RYR3: variants seen among roughly 807,000 people sequenced by gnomAD.
RYR3 encodes the protein brain ryanodine receptor-calcium release channel.
Under a neutral mutation model 584.3 loss-of-function variants are expected in RYR3, and 207 were observed. The ratio of observed to expected loss-of-function variants is 0.35; its 90% CI spans 0.32 to 0.40. The LOEUF is 0.40. Ranked by LOEUF, RYR3 falls within the 10% of genes least tolerant of loss-of-function variation. The probability of loss-of-function intolerance (pLI) is 1.00; values close to 1 mark genes in which losing one functional copy is unlikely to be tolerated. For synonymous variants in RYR3, 2,416 were observed against 2,248.5 expected (o/e 1.07, Z -2.11); for missense variants, 5,616 against 6,089.2 (o/e 0.92, Z 2.59).
intron 102 of RYR3, among the ~76,000 whole-genome samples, chr15:33,863,330 G>A (rs537810692): frequency 6.6e-6 from 1 of 152,156 alleles, no homozygotes; most frequent in Non-Finnish European, 1.5e-5. Context: ...GAAAGGCAGT[G>A]AACATACTTA....
chr15:33,548,458 A>G (rs1172638658), intron 9 of RYR3, among the ~76,000 whole-genome samples: 1 of 152,240 alleles, frequency 6.6e-6, no homozygotes, highest in Non-Finnish European at 1.5e-5. Flanking sequence ...AGGAAAGCTC[A>G]GACAAGGCCA....
chr15:33,550,016 G>T, intron 9 of RYR3, 144 bp from the exon 10 acceptor site: 1 of 751,700 alleles, frequency 1.3e-6, no homozygotes. Flanking sequence ...CCTACAGCAA[G>T]CCAGCAGCCT....
At chr15:33,597,207 C>T (rs537653981) in intron 16 of RYR3, among the ~76,000 whole-genome samples, 1 of 152,230 alleles carries the variant, frequency 6.6e-6, no homozygotes, top group East Asian at 1.9e-4. Flanking sequence ...AGTATTTTGG[C>T]AGGGATAAGT....
rs1039329715 is a variant in RYR3, at chr15:33,586,535, G to A, written c.1788+419G>A. On this transcript the variant is annotated intron_variant, in intron 16 of 103. Coordinates refer to ENST00000634891, the MANE Select transcript of RYR3 (RefSeq NM_001036.6). The stretch of plus-strand genomic sequence containing the variant: ...ACAGTGTAGAAAGTCTTAGCAACAT[G>A]GTTTGTTATTAAACAAAATCAGATT... Among the ~76,000 whole-genome samples the A allele has an allele frequency of 2.8e-4, 43 of 152,224 alleles. 1 individual carries two copies. The highest frequency in any genetic ancestry group is 4.4e-5 in the Non-Finnish European group (3 of 68,006).
intron 1 of RYR3, among the ~76,000 whole-genome samples, chr15:33,369,855 A>G (rs957603810): frequency 2.6e-5 from 4 of 152,186 alleles, no homozygotes; most frequent in Admixed American, 1.3e-4. Flanking sequence ...TCTCTTTGTG[A>G]AATGTCTCTC....
At chr15:33,352,639 A>C (rs1184184990) in intron 1 of RYR3, among the ~76,000 whole-genome samples, 1 of 152,210 alleles carries the variant, frequency 6.6e-6, no homozygotes, top group African/African-American at 2.4e-5. Context: ...TCTGTGCTGC[A>C]GTTACTTTGG....
At chr15:33,844,340 C>G (rs1343199672) in intron 92 of RYR3, among the ~76,000 whole-genome samples, 3 of 152,150 alleles carry the variant, frequency 2.0e-5, no homozygotes, top group Admixed American at 2.0e-4. Context: ...GAAGAGAAAG[C>G]CAGCAAGCAG....
At chr15:33,772,629 T>C (rs1223920580) in intron 63 of RYR3, among the ~76,000 whole-genome samples, 2 of 152,198 alleles carry the variant, frequency 1.3e-5, no homozygotes, top group Non-Finnish European at 2.9e-5. Context: ...TTATTTTAGT[T>C]TGCATTAACA....
chr15:33,840,631 A>G (rs2078299564), intron 89 of RYR3, 194 bp from the exon 90 acceptor site: 1 of 603,536 alleles, frequency 1.7e-6, no homozygotes, highest in Non-Finnish European at 2.9e-6. Flanking sequence ...TCAAGTTTCA[A>G]ATCTTTGTCT....
chr15:33,668,934 T>G (rs933449072), intron 36 of RYR3, among the ~76,000 whole-genome samples: 4 of 152,172 alleles, frequency 2.6e-5, no homozygotes, highest in Admixed American at 6.5e-5. Context: ...TTCTTCCATA[T>G]AATTACAATG....
intron 1 of RYR3, among the ~76,000 whole-genome samples, chr15:33,468,175 A>G (rs1481966936): frequency 6.6e-6 from 1 of 152,196 alleles, no homozygotes; most frequent in Non-Finnish European, 1.5e-5. Context: ...CCACTTTATC[A>G]AATATAGAGC....
intron 49 of RYR3, among the ~76,000 whole-genome samples, chr15:33,736,534 C>G (rs918988899): frequency 6.6e-6 from 1 of 152,152 alleles, no homozygotes; most frequent in Non-Finnish European, 1.5e-5. Context: ...TTTTCTTTAA[C>G]TGCTTTCCAC....
rs747990987 is a variant in RYR3 at position 33,634,685 on chromosome 15, A to C, written c.3127A>C (p.Thr1043Pro). 5.0e-6 allele frequency: 8 copies of C among 1,613,880 alleles called. No individual in the cohort carries two copies. Among genetic ancestry groups the C allele is most frequent in the African/African-American group, 1.3e-5 (1 of 74,936 alleles). ...NRDSLREAVRTFVGYGYNIEP... is the reference protein window; with the variant it reads ...NRDSLREAVRPFVGYGYNIEP... Reference sequence around the variant, plus strand: ...GGACAGCCTGCGGGAAGCTGTGCGCACTTTTGTTGGTTACGGGTATAACAT... The same window carrying C: ...GGACAGCCTGCGGGAAGCTGTGCGCCCTTTTGTTGGTTACGGGTATAACAT... Residue 1043 changes from threonine (T) to proline (P), a missense_variant, in exon 25 of 104, where the codon ACT (threonine) becomes CCT (proline). Coordinates refer to ENST00000634891, the MANE Select transcript of RYR3 (RefSeq NM_001036.6).
intron 1 of RYR3, among the ~76,000 whole-genome samples, chr15:33,439,684 C>G (rs2046052659): frequency 6.6e-6 from 1 of 152,032 alleles, no homozygotes; most frequent in Non-Finnish European, 1.5e-5. Context: ...TTATTTAATC[C>G]TAAATCTTCA....
chr15:33,499,930 C>A (rs1449354308), intron 2 of RYR3, among the ~76,000 whole-genome samples: 4 of 152,126 alleles, frequency 2.6e-5, no homozygotes, highest in African/African-American at 9.7e-5. Context: ...GACAGGGGCT[C>A]GTGACCACGG....
In RYR3 at chr15:33,772,125, G is replaced by A. The variant is rs772748749; in HGVS notation, c.9022G>A (p.Val3008Ile). The A allele has an allele frequency of 6.8e-6, 11 of 1,613,038 alleles. No homozygotes were observed. The East Asian group carries it at 1.3e-4, about 20-fold the overall frequency. The stretch of plus-strand genomic sequence containing the variant: ...CATCCTGACGTCCATCTTTGAGCAC[G>A]TCACTCAGCATCAGTTTGGAATGGA... ...LPILTSIFEH[V>I]TQHQFGMDLL... Residue 3008 changes from valine (V) to isoleucine (I), a missense_variant, in exon 63 of 104, where the codon GTC becomes ATC. Around this residue, in one of 9 missense-constraint regions of RYR3, gnomAD observed 954 missense variants for 1,132.2 expected, o/e 0.84. Transcript: ENST00000634891.
At chr15:33,480,776 A>G (rs1417035512) in intron 2 of RYR3, among the ~76,000 whole-genome samples, 1 of 152,164 alleles carries the variant, frequency 6.6e-6, no homozygotes, top group Non-Finnish European at 1.5e-5. Context: ...CATATGGTCT[A>G]TGTTGGTGAA....
intron 19 of RYR3, among the ~76,000 whole-genome samples, chr15:33,615,725 T>TA (rs1251902293): frequency 6.6e-6 from 1 of 152,170 alleles, no homozygotes; most frequent in Non-Finnish European, 1.5e-5. Context: ...TCTTCCTTTT[T>TA]AAATATGTGA....
intron 32 of RYR3, among the ~76,000 whole-genome samples, chr15:33,654,889 CCAGTTCTCTGGCCTGTGGTT>C (rs1397661409): frequency 6.6e-6 from 1 of 152,246 alleles, no homozygotes; most frequent in Non-Finnish European, 1.5e-5. Flanking sequence ...CTCTTGGCAG[CCAGTTCTCTGGCCTGTGGTT>C]GGAGAGAGGG....
Sources: allele counts gnomAD v4.1 joint callset (sites outside exome capture counted in the v4.1 genomes callset), GRCh38; gene constraint gnomAD v4.1.1; regional missense constraint gnomAD v4.1.1; transcripts MANE v1.5; gene names NCBI Gene and HGNC (gene_info 2026-07-23, HGNC 2026-07-21).